Variants in CD2AP observed in about 807,000 individuals in gnomAD.
CD2AP encodes the protein CD2 associated protein.
CD2AP carries 46 observed loss-of-function variants against 85.1 expected under a neutral mutation model. The observed-to-expected ratio is 0.54, with a 90% CI of 0.43 to 0.69. The LOEUF (loss-of-function observed/expected upper bound fraction) is 0.69. Ranked by LOEUF, CD2AP falls within the 30% of genes least tolerant of loss-of-function variation. The probability of loss-of-function intolerance (pLI) is 0.00; values close to 1 mark genes in which losing one functional copy is unlikely to be tolerated. For synonymous variants in CD2AP, 255 were observed against 252.9 expected, an observed-to-expected ratio of 1.01 and a Z score of -0.08; for missense variants, 769 against 729.5, an observed-to-expected ratio of 1.05 and a Z score of -0.62.
chr6:47,556,394 T>C (rs986257313), intron 5 of CD2AP, among the ~76,000 whole-genome samples: 1 of 152,116 alleles, frequency 6.6e-6, no homozygotes, highest in Non-Finnish European at 1.5e-5. Context: ...TCATTCTTTT[T>C]TTTTTTAATT....
intron 4 of CD2AP, chr6:47,545,042 T>C (rs189087128): frequency 4.3e-5 from 9 of 206,996 alleles, no homozygotes; most frequent in African/African-American, 2.1e-4. Flanking sequence ...GCAAAATCTT[T>C]TTAAACGCTT....
intron 6 of CD2AP, 106 bp downstream of exon 6, chr6:47,574,357 T>C (rs1768245504): frequency 9.4e-7 from 1 of 1,061,802 alleles, no homozygotes. Flanking sequence ...TTTTTTCAGA[T>C]CACTAATAAT....
In CD2AP at chr6:47,586,693, G is replaced by A. The variant is rs1768639428; in HGVS notation, c.1108+4628G>A. ...AGAAAATGTTAAAAAATTACTTTTGGTAGAAGGAAAACGATACTAGATTGG... is the reference window on the plus strand; with the variant it reads ...AGAAAATGTTAAAAAATTACTTTTGATAGAAGGAAAACGATACTAGATTGG... On this transcript the variant is annotated intron_variant, in intron 11 of 17. Transcript: ENST00000359314. Among the ~76,000 whole-genome samples, 6 of 151,998 alleles carry A rather than the reference G, an allele frequency of 3.9e-5. No individual in the cohort carries two copies. The South Asian group carries it at 1.2e-3, about 32-fold the overall frequency.
At chr6:47,556,945 T>C (rs1767710337) in intron 5 of CD2AP, among the ~76,000 whole-genome samples, 1 of 152,180 alleles carries the variant, frequency 6.6e-6, no homozygotes, top group Non-Finnish European at 1.5e-5. Flanking sequence ...CCGTGAACAG[T>C]GTACAGGTGT....
intron 5 of CD2AP, among the ~76,000 whole-genome samples, chr6:47,573,264 AATTAGACCTG>A (rs1012607322): frequency 5.9e-5 from 9 of 152,132 alleles, no homozygotes; most frequent in African/African-American, 2.2e-4. Flanking sequence ...ACTGCTTTGA[AATTAGACCTG>A]TTACCTAATC....
intron 4 of CD2AP, among the ~76,000 whole-genome samples, chr6:47,549,727 A>T (rs1168250279): frequency 6.6e-6 from 1 of 152,108 alleles, no homozygotes; most frequent in Non-Finnish European, 1.5e-5. Flanking sequence ...ATTCATATGG[A>T]ACCAAAAAGA....
At chr6:47,621,000 T>C (rs950532124) in intron 17 of CD2AP, among the ~76,000 whole-genome samples, 1 of 152,194 alleles carries the variant, frequency 6.6e-6, no homozygotes, top group Non-Finnish European at 1.5e-5. Context: ...CAGTGACAGT[T>C]TGACTTCCTC....
At chr6:47,543,167 A>G (rs1387063503) in intron 3 of CD2AP, among the ~76,000 whole-genome samples, 41 of 144,074 alleles carry the variant, frequency 2.8e-4, no homozygotes, top group South Asian at 9.3e-4. Flanking sequence ...AAAAAAAAAA[A>G]AAAAAGAAAA....
rs1768321148 is a variant in CD2AP at position 47,576,603 on chromosome 6, G to A, written c.808+1G>A. The A allele has an allele frequency of 6.3e-7, 1 of 1,594,642 alleles. No homozygotes were observed. Among genetic ancestry groups the A allele is most frequent in the South Asian group, 1.1e-5 (1 of 90,622 alleles). On this transcript the variant is annotated splice_donor_variant, in intron 7 of 17. Coordinates refer to ENST00000359314, the MANE Select transcript of CD2AP (RefSeq NM_012120.3). LOFTEE classifies it high-confidence loss of function. The stretch of plus-strand genomic sequence containing the variant: ...ACAGATACCGAAGGTAAAATTAAAG[G>A]TATGTTTTTGAATAAAGCTTTCATA...
intron 14 of CD2AP, 72 bp from the exon 15 acceptor site, chr6:47,607,855 A>G: frequency 2.0e-6 from 2 of 983,834 alleles, no homozygotes; most frequent in Non-Finnish European, 1.6e-6. Flanking sequence ...TATTTGCTTT[A>G]TTATCCAAAG....
chr6:47,533,776 C>T (rs77288365), intron 3 of CD2AP, 21 bp downstream of exon 3: 4 of 1,610,408 alleles, frequency 2.5e-6, no homozygotes, highest in Non-Finnish European at 3.4e-6. Context: ...AATTCCTTTC[C>T]TGCATAATTA....
intron 2 of CD2AP, among the ~76,000 whole-genome samples, chr6:47,522,933 GA>G (rs1766633550): frequency 6.6e-6 from 1 of 151,836 alleles, no homozygotes. Flanking sequence ...AGCTACTTTG[GA>G]AAGTCTCATT....
At chr6:47,521,425 G>A (rs1033986014) in intron 2 of CD2AP, among the ~76,000 whole-genome samples, 6 of 152,146 alleles carry the variant, frequency 3.9e-5, no homozygotes, top group South Asian at 2.1e-4. Flanking sequence ...GGTGGCGGGC[G>A]CCTGTAATTC....
chr6:47,515,485 G>A (rs1766430319), intron 2 of CD2AP, among the ~76,000 whole-genome samples: 1 of 152,086 alleles, frequency 6.6e-6, no homozygotes, highest in Non-Finnish European at 1.5e-5. Flanking sequence ...TCATGTCTTT[G>A]AAAATTAGGC....
intron 5 of CD2AP, among the ~76,000 whole-genome samples, chr6:47,571,303 A>G (rs1480185628): frequency 1.3e-5 from 2 of 152,212 alleles, no homozygotes; most frequent in Non-Finnish European, 2.9e-5. Flanking sequence ...TCCACCATAC[A>G]AACTTGAGAA....
chr6:47,505,015 T>TTTTTTTTTTTTTTTTTTTTTTTTA, intron 2 of CD2AP, among the ~76,000 whole-genome samples: 1 of 32,516 alleles, frequency 3.1e-5, no homozygotes, highest in Non-Finnish European at 1.3e-4. Context: ...CAGTTTCTTT[T>TTTTTTTTTTTTTTTTTTTTTTTTA]TTTTTTTTTT....
chr6:47,512,801 G>A (rs1220852232), intron 2 of CD2AP, among the ~76,000 whole-genome samples: 1 of 152,192 alleles, frequency 6.6e-6, no homozygotes, highest in Non-Finnish European at 1.5e-5. Flanking sequence ...GTGTTCTTAA[G>A]TTGTATGTAT....
intron 5 of CD2AP, among the ~76,000 whole-genome samples, chr6:47,566,871 G>A (rs747014472): frequency 6.6e-6 from 1 of 152,034 alleles, no homozygotes; most frequent in Non-Finnish European, 1.5e-5. Context: ...TCATTGATGG[G>A]CATTTAGGTT....
At chr6:47,570,719 T>C (rs957167112) in intron 5 of CD2AP, among the ~76,000 whole-genome samples, 11 of 152,152 alleles carry the variant, frequency 7.2e-5, no homozygotes, top group African/African-American at 2.4e-4. Flanking sequence ...TTACTTCTCA[T>C]AGCAATCCTG....
Sources: allele counts gnomAD v4.1 joint callset (sites outside exome capture counted in the v4.1 genomes callset), GRCh38; gene constraint gnomAD v4.1.1; transcripts MANE v1.5; gene names NCBI Gene and HGNC (gene_info 2026-07-23, HGNC 2026-07-21).